The following C10orf143 variants were observed in gnomAD, a reference collection of about 807,000 sequenced individuals.
C10orf143 encodes the protein uncharacterized protein C10orf143.
At chr10:130,105,797 C>T (rs1276956191) in intron 1 of C10orf143, among the ~76,000 whole-genome samples, 1 of 152,188 alleles carries the variant, frequency 6.6e-6, no homozygotes, top group Non-Finnish European at 1.5e-5. Context: ...CTGGCCAAAA[C>T]CAAACCAAGG....
chr10:130,069,985 T>A (rs2134752600), intron 3 of C10orf143, among the ~76,000 whole-genome samples: 1 of 152,300 alleles, frequency 6.6e-6, no homozygotes, highest in African/African-American at 2.4e-5. Context: ...CCTTAATTTT[T>A]ACCAGAAGAA....
downstream of C10orf143, among the ~76,000 whole-genome samples, chr10:130,063,173 G>A (rs146846165): frequency 6.6e-5 from 10 of 152,276 alleles, no homozygotes; most frequent in East Asian, 1.7e-3. Flanking sequence ...GGAGGGACGC[G>A]TGCCACGTCA....
chr10:130,066,249 A>G (rs1013583880), intron 3 of C10orf143: 1 of 145,808 alleles, frequency 6.9e-6, no homozygotes, highest in African/African-American at 2.5e-5. Flanking sequence ...GTGCAGTGTC[A>G]CAATGATGGC....
chr10:130,094,734 A>G (rs949126014), intron 1 of C10orf143, among the ~76,000 whole-genome samples: 23 of 152,226 alleles, frequency 1.5e-4, no homozygotes, highest in African/African-American at 5.3e-4. Flanking sequence ...TTTCAAAATA[A>G]TAAGAGCTAT....
At chr10:130,064,478 C>T (rs1011824734) in intron 3 of C10orf143, 95 bp from the exon 4 acceptor site, 1 of 396,142 alleles carries the variant, frequency 2.5e-6, no homozygotes, top group Non-Finnish European at 4.4e-6. Flanking sequence ...CAAAGCACTA[C>T]ATTTAAAATG....
At position 130,102,961 on chromosome 10, in the gene C10orf143, G is replaced by T. The variant is rs1347377889; in HGVS notation, c.69+7743C>A. ...TATTTATAGTGAGTTTCTTATAGAT[G>T]GACTTATAATTGAGTCTTTTTTTTT... On this transcript the variant is annotated intron_variant, in intron 1 of 3. Coordinates refer to ENST00000637128, the MANE Select transcript of C10orf143 (RefSeq NM_001355042.2). Among the ~76,000 whole-genome samples the T allele has an allele frequency of 4.0e-5, 6 of 148,948 alleles. No individual in the cohort carries two copies. In the South Asian group the frequency reaches 6.4e-4, roughly 16 times the overall value.
At chr10:130,075,730 T>A (rs956571999) in intron 3 of C10orf143, among the ~76,000 whole-genome samples, 2 of 152,144 alleles carry the variant, frequency 1.3e-5, no homozygotes, top group Non-Finnish European at 2.9e-5. Flanking sequence ...GTTCTCGTGA[T>A]AGTGAGTTCT....
intron 3 of C10orf143, among the ~76,000 whole-genome samples, chr10:130,041,191 C>T (rs775573634): frequency 2.0e-5 from 3 of 152,226 alleles, no homozygotes; most frequent in Middle Eastern, 3.2e-3. Flanking sequence ...TGCAAAGCAG[C>T]GAGCACCTAA....
chr10:130,094,020 A>G (rs1861425322), intron 1 of C10orf143, among the ~76,000 whole-genome samples: 1 of 151,598 alleles, frequency 6.6e-6, no homozygotes, highest in African/African-American at 2.4e-5. Flanking sequence ...ACCATTAAAA[A>G]AAAAAAAAAA....
intron 3 of C10orf143, among the ~76,000 whole-genome samples, chr10:130,075,850 TG>T (rs1180948788): frequency 6.6e-6 from 1 of 152,178 alleles, no homozygotes; most frequent in Non-Finnish European, 1.5e-5. Flanking sequence ...CCACCAGGAT[TG>T]TAAGTTTCCT....
At chr10:130,102,046 T>G (rs939264429) in intron 1 of C10orf143, among the ~76,000 whole-genome samples, 1 of 152,040 alleles carries the variant, frequency 6.6e-6, no homozygotes, top group African/African-American at 2.4e-5. Context: ...GCCAGGCAGA[T>G]TGCTTGAGCC....
At chr10:130,070,419 A>G (rs955692256) in intron 3 of C10orf143, among the ~76,000 whole-genome samples, 1 of 152,234 alleles carries the variant, frequency 6.6e-6, no homozygotes, top group African/African-American at 2.4e-5. Context: ...ATCTATTGCT[A>G]CTAATGAGAG....
At chr10:130,095,374 A>T (rs926368153) in intron 1 of C10orf143, among the ~76,000 whole-genome samples, 2 of 152,254 alleles carry the variant, frequency 1.3e-5, no homozygotes, top group Admixed American at 6.5e-5. Context: ...TGCCCAAAGT[A>T]ATTTATAGAT....
At chr10:130,075,048 G>A (rs890823052) in intron 3 of C10orf143, among the ~76,000 whole-genome samples, 3 of 151,752 alleles carry the variant, frequency 2.0e-5, no homozygotes, top group East Asian at 1.9e-4. Flanking sequence ...TGAATAATAC[G>A]GAGGCTTATT....
intron 1 of C10orf143, among the ~76,000 whole-genome samples, chr10:130,086,873 G>A (rs1262637871): frequency 6.6e-6 from 1 of 152,198 alleles, no homozygotes; most frequent in Non-Finnish European, 1.5e-5. Flanking sequence ...CACCTTTTCT[G>A]TGTGGTTGAA....
chr10:130,093,871 G>A (rs1388169087), intron 1 of C10orf143, among the ~76,000 whole-genome samples: 2 of 151,852 alleles, frequency 1.3e-5, no homozygotes, highest in East Asian at 1.9e-4. Context: ...TTAACCAAGT[G>A]TAGTGGCGGG....
At position 130,065,652 on chromosome 10, in the gene C10orf143, G is replaced by C. The variant is rs992734058; in HGVS notation, c.298-1269C>G. 1 of 152,218 alleles carries C rather than the reference G, an allele frequency of 6.6e-6. No homozygotes were observed. The highest frequency in any genetic ancestry group is 2.4e-5 in the African/African-American group (1 of 41,452). The allele number at this position is 152,218 out of a possible 1,614,324, so 9.4% of individuals were successfully genotyped here. On this transcript the variant is annotated intron_variant, in intron 3 of 3. Transcript: ENST00000637128. The surrounding 1 kb of genome is among the most constrained non-coding windows in gnomAD (Gnocchi z 4.2). ...TATTCCCAGAATCACATGTGTAGCA[G>C]GTATCCCTTTACAAAAGGACATTTT...
chr10:130,046,327 C>T (rs1237156677), intron 3 of C10orf143, among the ~76,000 whole-genome samples: 4 of 152,026 alleles, frequency 2.6e-5, no homozygotes, highest in Non-Finnish European at 5.9e-5. Context: ...GCAGCCCCAC[C>T]TGTGCACGCC....
chr10:130,039,782 G>A (rs1336009615), intron 3 of C10orf143, among the ~76,000 whole-genome samples: 1 of 152,056 alleles, frequency 6.6e-6, no homozygotes, highest in Non-Finnish European at 1.5e-5. Context: ...CGTCTCATGC[G>A]CTCTTCTCCT....
Sources: gnomAD v4.1 joint callset for allele counts (sites outside exome capture counted in the v4.1 genomes callset) on GRCh38, gnomAD v4.1.1 for gene constraint, Gnocchi (gnomAD v3.1) non-coding constraint, MANE v1.5 for transcripts, NCBI Gene and HGNC (gene_info 2026-07-23, HGNC 2026-07-21) for gene names.